Variants in PGS1 observed in about 807,000 individuals in gnomAD.
The protein encoded by PGS1 is phosphatidylglycerophosphate synthase 1.
A neutral mutation model predicts 58.3 loss-of-function variants in PGS1; 44 were observed. That is an observed-to-expected ratio of 0.75 (90% CI 0.59 to 0.97). The LOEUF is 0.97. Among genes scored for constraint, PGS1 ranks in the 50% least tolerant of loss-of-function variants. The pLI is 0.00. For missense variants in PGS1, 684 were observed against 731.1 expected, an observed-to-expected ratio of 0.94 and a Z score of 0.74; for synonymous variants, 330 against 311.0, an observed-to-expected ratio of 1.06 and a Z score of -0.64.
At chr17:78,411,773 C>G (rs1262751855) in intron 7 of PGS1, among the ~76,000 whole-genome samples, 2 of 152,126 alleles carry the variant, frequency 1.3e-5, no homozygotes, top group Non-Finnish European at 2.9e-5. Flanking sequence ...GACAGCGAGT[C>G]CCAGGCCTGA....
chr17:78,419,525 C>T (rs1207266491), intron 8 of PGS1, 21 bp from the exon 9 acceptor site: 1 of 1,610,400 alleles, frequency 6.2e-7, no homozygotes, highest in Non-Finnish European at 8.5e-7. Context: ...CTCACTATTC[C>T]TGTCTGTTCC....
intron 2 of PGS1, 114 bp from the exon 3 acceptor site, chr17:78,396,194 G>T: frequency 1.3e-6 from 1 of 757,370 alleles, no homozygotes; most frequent in Non-Finnish European, 2.4e-6. Context: ...AATTGGTGAA[G>T]ACATAGGATA....
At chr17:78,413,066 ACCTGTGGT>A (rs2084861391) in intron 7 of PGS1, among the ~76,000 whole-genome samples, 1 of 152,198 alleles carries the variant, frequency 6.6e-6, no homozygotes, top group Non-Finnish European at 1.5e-5. Flanking sequence ...GCCTGCCCAC[ACCTGTGGT>A]CCTGTGAACG....
At chr17:78,405,156 C>G (rs1036695715) in intron 7 of PGS1, among the ~76,000 whole-genome samples, 1 of 151,954 alleles carries the variant, frequency 6.6e-6, no homozygotes, top group Non-Finnish European at 1.5e-5. Flanking sequence ...CACCATTACG[C>G]CTGGCTAATT....
rs1409673790 is a variant in PGS1, at chr17:78,419,554, G to A, written c.1560G>A (p.Glu520=). 6.2e-7 allele frequency: 1 copy of A among 1,613,786 alleles called. No individual in the cohort carries two copies. The highest frequency in any genetic ancestry group is 8.5e-7 in the Non-Finnish European group (1 of 1,179,884). Residue 520 remains glutamate, a synonymous_variant, in exon 9 of 10, where the codon GAG becomes GAA. Coordinates refer to ENST00000262764, the MANE Select transcript of PGS1 (RefSeq NM_024419.5). ...ALQQQLHQEQ[E]QLYLRSGVVS... ...CTGTTCCTCTTCCTCAGGAGCAAGA[G>A]CAGCTCTACCTGAGGTCAGGTGTGG...
rs200709137 is a variant in PGS1, at chr17:78,424,117, T to G, written c.*67T>G. ...CGGGGTCAGCTCTTTCAGCCGCGCTTCAGCGATGACTCCAGTCTGGGTGTC... is the reference window on the plus strand; with the variant it reads ...CGGGGTCAGCTCTTTCAGCCGCGCTGCAGCGATGACTCCAGTCTGGGTGTC... On this transcript the variant is annotated 3_prime_UTR_variant, in exon 10 of 10. Transcript: ENST00000262764. 1.9e-5 allele frequency: 31 copies of G among 1,613,436 alleles called. No individual in the cohort carries two copies. In the African/African-American group the frequency reaches 3.9e-4, roughly 20 times the overall value.
rs1204881544 is a variant in PGS1 at position 78,399,381 on chromosome 17, T to C, written c.545T>C (p.Leu182Pro). The change falls in exon 5 of 10, where the codon CTC becomes CCC. Residue 182 changes from leucine (L) to proline (P), a missense_variant. Physicochemically the swap from Leu to Pro is moderately conservative, Grantham distance 98 (BLOSUM62 -3). Transcript: ENST00000262764. Reference protein sequence around the residue: ...RKNSRTMLLPLLRRFPEQVRV... With the variant: ...RKNSRTMLLPPLRRFPEQVRV... Reference sequence around the variant, plus strand: ...AACTCCCGCACAATGCTGCTCCCACTCCTGCGGAGGTTCCCAGAGCAGGTC... The same window carrying C: ...AACTCCCGCACAATGCTGCTCCCACCCCTGCGGAGGTTCCCAGAGCAGGTC... The C allele has an allele frequency of 6.2e-7, 1 of 1,614,110 alleles. No homozygotes were observed. The highest frequency in any genetic ancestry group is 2.2e-5 in the East Asian group (1 of 44,884).
intron 1 of PGS1, chr17:78,381,005 C>G (rs1339311721): frequency 6.6e-6 from 1 of 152,110 alleles, no homozygotes; most frequent in Non-Finnish European, 1.5e-5. Context: ...GCCACCACGT[C>G]CGGCTAATTT....
At position 78,404,090 on chromosome 17, in the gene PGS1, G is replaced by A; in HGVS notation, c.1402+1G>A. The stretch of plus-strand genomic sequence containing the variant: ...AGGGGCTGGACGTTCCACGCCAAAG[G>A]TGCGCAGCGGCTGGCTGGAGGACGT... On this transcript the variant is annotated splice_donor_variant, in intron 7 of 9. Transcript: ENST00000262764. LOFTEE classifies it high-confidence loss of function. 1 of 1,539,078 alleles carries A rather than the reference G, an allele frequency of 6.5e-7. No homozygotes were observed.
At chr17:78,393,987 C>T (rs1324133152) in intron 2 of PGS1, among the ~76,000 whole-genome samples, 1 of 151,794 alleles carries the variant, frequency 6.6e-6, no homozygotes, top group Non-Finnish European at 1.5e-5. Context: ...AGTTCGAGAA[C>T]AGCCTCGTCA....
At chr17:78,423,738 A>G (rs1331551130) in intron 9 of PGS1, 1 of 885,054 alleles carries the variant, frequency 1.1e-6, no homozygotes, top group Non-Finnish European at 1.7e-6. Flanking sequence ...CCTCTTCCAC[A>G]CCAACCTCCA....
intron 6 of PGS1, among the ~76,000 whole-genome samples, chr17:78,402,598 A>G (rs1368903273): frequency 2.6e-5 from 4 of 151,970 alleles, no homozygotes; most frequent in African/African-American, 4.8e-5. Flanking sequence ...CAGGCACACA[A>G]CACCACACCT....
intron 6 of PGS1, among the ~76,000 whole-genome samples, chr17:78,403,146 C>T (rs1227750781): frequency 1.3e-5 from 2 of 152,138 alleles, no homozygotes; most frequent in Admixed American, 6.5e-5. Context: ...GTAGAACATG[C>T]ACCCCGAGCA....
intron 8 of PGS1, 24 bp from the exon 9 acceptor site, chr17:78,419,522 T>C (rs761903820): frequency 7.5e-6 from 12 of 1,608,456 alleles, no homozygotes; most frequent in Non-Finnish European, 1.0e-5. Context: ...CTCCTCACTA[T>C]TCCTGTCTGT....
intron 1 of PGS1, among the ~76,000 whole-genome samples, chr17:78,387,827 G>A (rs528397585): frequency 2.3e-4 from 35 of 152,020 alleles, no homozygotes; most frequent in Non-Finnish European, 2.5e-4. Context: ...CGATCTCCTG[G>A]CCTCAAGTGA....
chr17:78,392,054 C>T (rs891804022), intron 1 of PGS1, among the ~76,000 whole-genome samples: 19 of 152,338 alleles, frequency 1.2e-4, no homozygotes, highest in African/African-American at 4.3e-4. Context: ...ACTTACCCTT[C>T]TGCTAGGTGT....
At chr17:78,423,468 C>T (rs1027298055) in intron 9 of PGS1, among the ~76,000 whole-genome samples, 5 of 152,194 alleles carry the variant, frequency 3.3e-5, no homozygotes, top group African/African-American at 1.2e-4. Flanking sequence ...CCTGTCCCCT[C>T]ATTGGCAGGT....
intron 2 of PGS1, among the ~76,000 whole-genome samples, chr17:78,393,994 G>A (rs989500099): frequency 4.6e-5 from 7 of 151,746 alleles, no homozygotes; most frequent in African/African-American, 1.2e-4. Context: ...GAACAGCCTC[G>A]TCAACGTGGT....
chr17:78,406,187 G>A (rs1221237314), intron 7 of PGS1, among the ~76,000 whole-genome samples: 5 of 152,066 alleles, frequency 3.3e-5, no homozygotes, highest in East Asian at 3.9e-4. Flanking sequence ...GCGTGGTGGC[G>A]GGCGCCTGTA....
Sources: gnomAD v4.1 joint callset for allele counts (sites outside exome capture counted in the v4.1 genomes callset) on GRCh38, gnomAD v4.1.1 for gene constraint, MANE v1.5 for transcripts, NCBI Gene and HGNC (gene_info 2026-07-23, HGNC 2026-07-21) for gene names.